DST: variants seen among roughly 807,000 people sequenced by gnomAD.
DST encodes the protein bullous pemphigoid antigen.
In DST, 253 loss-of-function variants were observed where a neutral mutation model predicts 875.2. The observed-to-expected ratio is 0.29, with a 90% CI of 0.26 to 0.32. The LOEUF (loss-of-function observed/expected upper bound fraction) is 0.32, where lower values mean the gene tolerates loss of function less well. DST is among the 10% of genes least tolerant of loss of function. DST has a pLI of 1.00. For synonymous variants in DST, 3,124 were observed against 3,197.1 expected, an observed-to-expected ratio of 0.98 and a Z score of 0.77; for missense variants, 8,287 against 9,111.6, an observed-to-expected ratio of 0.91 and a Z score of 3.68.
intron 99 of DST, among the ~76,000 whole-genome samples, chr6:56,465,029 T>G (rs1310866835): frequency 6.6e-6 from 1 of 152,226 alleles, no homozygotes; most frequent in African/African-American, 2.4e-5. Context: ...AGTTGCATTT[T>G]ACCTTAGGCT....
intron 75 of DST, 24 bp from the exon 76 acceptor site, chr6:56,506,813 T>C (rs1410260433): frequency 6.3e-7 from 1 of 1,593,294 alleles, no homozygotes; most frequent in African/African-American, 1.3e-5. Flanking sequence ...ATGACAGCCT[T>C]AGAATTTTAA....
intron 61 of DST, among the ~76,000 whole-genome samples, chr6:56,546,181 A>G (rs2097216583): frequency 6.6e-6 from 1 of 151,568 alleles, no homozygotes; most frequent in African/African-American, 2.4e-5. Flanking sequence ...ACCTTAGTTA[A>G]TATCTTTAAT....
At chr6:56,803,517 T>C (rs547666971) in intron 4 of DST, among the ~76,000 whole-genome samples, 63 of 152,304 alleles carry the variant, frequency 4.1e-4, no homozygotes, top group African/African-American at 1.4e-3. Flanking sequence ...CTACCACCAT[T>C]TTCTTTTGAT....
chr6:56,820,306 C>T (rs1055030409), intron 4 of DST, among the ~76,000 whole-genome samples: 1 of 152,198 alleles, frequency 6.6e-6, no homozygotes, highest in Admixed American at 6.5e-5. Flanking sequence ...GTAAGTGTTA[C>T]CTGTTTTCAG....
intron 5 of DST, among the ~76,000 whole-genome samples, chr6:56,726,472 T>C (rs1335767726): frequency 6.6e-6 from 1 of 152,196 alleles, no homozygotes; most frequent in African/African-American, 2.4e-5. Flanking sequence ...ATTAGTAACT[T>C]AGGGCAAATT....
At chr6:56,694,738 T>TG (rs2099253447) in intron 9 of DST, among the ~76,000 whole-genome samples, 1 of 152,146 alleles carries the variant, frequency 6.6e-6, no homozygotes, top group Admixed American at 6.5e-5. Context: ...ATGTTGGAGA[T>TG]GGGCCTAGTG....
At chr6:56,644,319 T>C (rs1328720936) in intron 15 of DST, among the ~76,000 whole-genome samples, 3 of 152,238 alleles carry the variant, frequency 2.0e-5, no homozygotes, top group African/African-American at 7.2e-5. Flanking sequence ...ATTATTATAC[T>C]TTAACATAAA....
At chr6:56,633,985 T>C in intron 27 of DST, 147 bp downstream of exon 27, 1 of 947,344 alleles carries the variant, frequency 1.1e-6, no homozygotes, top group Non-Finnish European at 1.7e-6. Flanking sequence ...GCTATGGGCA[T>C]ATAACAAATA....
intron 59 of DST, among the ~76,000 whole-genome samples, chr6:56,557,090 A>T (rs1445540970): frequency 6.6e-6 from 1 of 152,192 alleles, no homozygotes; most frequent in African/African-American, 2.4e-5. Context: ...GACTTGGCCC[A>T]TTCATGGGAT....
At position 56,954,579 on chromosome 6, in the gene DST, G is replaced by C. The variant is rs962376740; in HGVS notation, c.9C>G (p.Ala3=). The C allele has an allele frequency of 7.4e-7, 1 of 1,358,942 alleles. No homozygotes were observed. The highest frequency in any genetic ancestry group is 9.8e-7 in the Non-Finnish European group (1 of 1,017,914). 84.2% of individuals were successfully genotyped at this position (1,358,942 alleles called of 1,614,324 possible). The change falls in exon 1 of 104, where the codon GCC becomes GCG. Residue 3 remains alanine, a synonymous_variant. Transcript: ENST00000680361. The part of the protein sequence containing the change: MI[A]AAFLVLLRPY... ...GTCTCAGCAAGACGAGGAAAGCCGCGGCGATCATGGTGCGGGCGAGGCGAG... is the reference window on the plus strand; with the variant it reads ...GTCTCAGCAAGACGAGGAAAGCCGCCGCGATCATGGTGCGGGCGAGGCGAG...
intron 4 of DST, among the ~76,000 whole-genome samples, chr6:56,749,303 G>A (rs760593087): frequency 7.2e-5 from 11 of 152,086 alleles, no homozygotes; most frequent in Non-Finnish European, 1.6e-4. Context: ...GCAGTGAGAC[G>A]AGATTGGGCC....
At position 56,607,337 on chromosome 6, in the gene DST, A is replaced by G; in HGVS notation, c.7291T>C (p.Tyr2431His). Reference protein sequence around the residue: ...NTNRDSPIFDYSPRLSALLSH... With the variant: ...NTNRDSPIFDHSPRLSALLSH... ...AACAAGGCACTTAGCCTGGGGGAAT[A>G]GTCAAAGATAGGTGAATCCCTGTTT... The change falls in exon 40 of 104, where the codon TAT becomes CAT. Residue 2431 changes from tyrosine (Y) to histidine (H), a missense_variant. Coordinates refer to ENST00000680361, the MANE Select transcript of DST (RefSeq NM_001374736.1). 1 of 1,613,358 alleles carries G rather than the reference A, an allele frequency of 6.2e-7. No homozygotes were observed. The highest frequency in any genetic ancestry group is 8.5e-7 in the Non-Finnish European group (1 of 1,179,654).
intron 4 of DST, among the ~76,000 whole-genome samples, chr6:56,785,520 G>T (rs2099703447): frequency 1.3e-5 from 2 of 152,214 alleles, no homozygotes; most frequent in Non-Finnish European, 2.9e-5. Flanking sequence ...CAAGCCAGGT[G>T]TGGGATATCA....
At chr6:56,533,689 G>A (rs1019962859) in intron 63 of DST, among the ~76,000 whole-genome samples, 15 of 152,260 alleles carry the variant, frequency 9.9e-5, no homozygotes, top group Non-Finnish European at 1.6e-4. Flanking sequence ...TCATGACTCT[G>A]GGAGTTAACT....
chr6:56,501,437 CTAATTT>C (rs2096121081), intron 79 of DST, 77 bp downstream of exon 79: 1 of 1,206,832 alleles, frequency 8.3e-7, no homozygotes, highest in South Asian at 1.9e-5. Flanking sequence ...AGAAATAATT[CTAATTT>C]TATCTTTAAT....
intron 58 of DST, among the ~76,000 whole-genome samples, chr6:56,558,818 C>G (rs1177324584): frequency 3.3e-5 from 5 of 152,110 alleles, no homozygotes; most frequent in African/African-American, 1.2e-4. Context: ...TCCAAACAGG[C>G]TTTTGCTCAC....
intron 67 of DST, among the ~76,000 whole-genome samples, chr6:56,527,957 G>A (rs1297580813): frequency 6.6e-6 from 1 of 152,146 alleles, no homozygotes; most frequent in Non-Finnish European, 1.5e-5. Flanking sequence ...AACTGGAAAA[G>A]GCTAAATGTC....
At chr6:56,916,751 C>CTATA (rs1197050234) in intron 2 of DST, among the ~76,000 whole-genome samples, 1 of 130,064 alleles carries the variant, frequency 7.7e-6, no homozygotes, top group African/African-American at 3.3e-5. Flanking sequence ...CTCTCTCTCT[C>CTATA]TATCTCTCTC....
At chr6:56,854,734 G>A (rs1051186653) in intron 3 of DST, among the ~76,000 whole-genome samples, 2 of 152,202 alleles carry the variant, frequency 1.3e-5, no homozygotes, top group Non-Finnish European at 2.9e-5. Context: ...TCAAGGGTCA[G>A]AGAAAATATG....
Sources: allele counts gnomAD v4.1 joint callset (sites outside exome capture counted in the v4.1 genomes callset), GRCh38; gene constraint gnomAD v4.1.1; transcripts MANE v1.5; gene names NCBI Gene and HGNC (gene_info 2026-07-23, HGNC 2026-07-21).